MTPN: variants seen among roughly 807,000 people sequenced by gnomAD.
MTPN encodes the protein granule cell differentiation protein.
Under a neutral mutation model 13.5 loss-of-function variants are expected in MTPN, and 2 were observed. That is an observed-to-expected ratio of 0.15 (90% CI 0.06 to 0.47). The LOEUF (loss-of-function observed/expected upper bound fraction) is 0.47, where lower values mean the gene tolerates loss of function less well. Ranked by LOEUF, MTPN falls within the 20% of genes least tolerant of loss-of-function variation. MTPN has a pLI of 0.97. For missense variants in MTPN, 79 were observed against 137.9 expected, an observed-to-expected ratio of 0.57 and a Z score of 2.14; for synonymous variants, 46 against 51.7, an observed-to-expected ratio of 0.89 and a Z score of 0.48.
chr7:135,943,552 A>G (rs1271221193), intron 3 of MTPN, among the ~76,000 whole-genome samples: 2 of 152,242 alleles, frequency 1.3e-5, no homozygotes, highest in Non-Finnish European at 2.9e-5. Context: ...AGTATTTTTA[A>G]ATCTCTATAG....
chr7:135,929,734 G>T lies in MTPN; in HGVS notation c.*192C>A, dbSNP rs1798984911. 2 of 595,832 alleles carry T rather than the reference G, an allele frequency of 3.4e-6. No individual in the cohort carries two copies. Among genetic ancestry groups the T allele is most frequent in the South Asian group, 2.1e-5 (1 of 48,392 alleles). The allele number at this position is 595,832 out of a possible 1,614,324, so 36.9% of individuals were successfully genotyped here. On this transcript the variant is annotated 3_prime_UTR_variant, in exon 4 of 4. Transcript: ENST00000393085. ...GGAATCCCAGTAAAAGCCTGATCATGGTTCCTTTTGCCCCTCCTCCAAAAC... is the reference window on the plus strand; with the variant it reads ...GGAATCCCAGTAAAAGCCTGATCATTGTTCCTTTTGCCCCTCCTCCAAAAC...
intron 3 of MTPN, among the ~76,000 whole-genome samples, chr7:135,943,862 C>T (rs927754610): frequency 6.6e-6 from 1 of 152,198 alleles, no homozygotes; most frequent in African/African-American, 2.4e-5. Flanking sequence ...CTAAATATCA[C>T]TAGTAACAAA....
intron 1 of MTPN, among the ~76,000 whole-genome samples, chr7:135,957,164 T>C (rs1799453921): frequency 6.6e-6 from 1 of 152,234 alleles, no homozygotes; most frequent in Non-Finnish European, 1.5e-5. Context: ...GTATATTCCA[T>C]ATATGTAATC....
Position 135,976,789 on chromosome 7 carries a change from C to T in MTPN, c.72+240G>A, listed in dbSNP as rs573552067. Among the ~76,000 whole-genome samples the T allele has an allele frequency of 3.3e-5, 5 of 152,218 alleles. No individual in the cohort carries two copies. The South Asian group carries it at 1.0e-3, about 32-fold the overall frequency. On this transcript the variant is annotated intron_variant, in intron 1 of 3. Coordinates refer to ENST00000393085, the MANE Select transcript of MTPN (RefSeq NM_145808.4). ...CCCCTCCCCCAAGAGGCCAGGAAGT[C>T]AGGTAGCGCCTAACTGTATTAACGC... is the stretch of plus-strand genomic sequence containing the variant.
Position 135,929,961 on chromosome 7 carries a change from T to C in MTPN, c.322A>G (p.Thr108Ala), listed in dbSNP as rs1354491151. Residue 108 changes from threonine (T) to alanine (A), a missense_variant, in exon 4 of 4, where the codon ACT (threonine) becomes GCT (alanine). Physicochemically the swap from Thr to Ala is moderately conservative, Grantham distance 58. Coordinates refer to ENST00000393085, the MANE Select transcript of MTPN (RefSeq NM_145808.4). ...GPDGLTAFEA[T>A]DNQAIKALLQ ...AGAGCTTTGATTGCCTGGTTGTCAGTGGCTTCAAAGGCGGTCAGTCCATCT... is the reference window on the plus strand; with the variant it reads ...AGAGCTTTGATTGCCTGGTTGTCAGCGGCTTCAAAGGCGGTCAGTCCATCT... 1.2e-6 allele frequency: 2 copies of C among 1,612,842 alleles called. No individual in the cohort carries two copies. The highest frequency in any genetic ancestry group is 1.1e-5 in the South Asian group (1 of 91,042).
intron 1 of MTPN, among the ~76,000 whole-genome samples, chr7:135,963,934 T>C (rs1370200977): frequency 3.3e-5 from 5 of 152,042 alleles, no homozygotes; most frequent in Admixed American, 2.6e-4. Flanking sequence ...AATTTTCTAA[T>C]TGAAAATGGT....
chr7:135,927,989 A>ATAC lies in MTPN; in HGVS notation c.*1936_*1937insGTA. Reference sequence around the variant, plus strand: ...AGCCTTTAAATAGCATTATGTCAAGAGGTGAAAACAAAGGTATCAAAACAC... The same window carrying ATAC: ...AGCCTTTAAATAGCATTATGTCAAGATACGGTGAAAACAAAGGTATCAAAACAC... On this transcript the variant is annotated 3_prime_UTR_variant, in exon 4 of 4. Coordinates refer to ENST00000393085, the MANE Select transcript of MTPN (RefSeq NM_145808.4). 7.2e-6 allele frequency: 2 copies of ATAC among 277,804 alleles called. No homozygotes were observed. Among genetic ancestry groups the ATAC allele is most frequent in the South Asian group, 4.0e-5 (1 of 25,244 alleles). 17.2% of individuals were successfully genotyped at this position (277,804 alleles called of 1,614,324 possible).
chr7:135,931,406 T>C (rs1799018439), intron 3 of MTPN, among the ~76,000 whole-genome samples: 1 of 152,126 alleles, frequency 6.6e-6, no homozygotes, highest in East Asian at 1.9e-4. Context: ...GACAAGGAAG[T>C]ACAGGCTGAT....
At chr7:135,941,138 C>T (rs1031686164) in intron 3 of MTPN, among the ~76,000 whole-genome samples, 2 of 152,142 alleles carry the variant, frequency 1.3e-5, no homozygotes, top group African/African-American at 2.4e-5. Flanking sequence ...TGTTCTAGGG[C>T]ATTAGGGAGA....
At chr7:135,939,594 G>A (rs1267385812) in intron 3 of MTPN, among the ~76,000 whole-genome samples, 1 of 51,130 alleles carries the variant, frequency 2.0e-5, no homozygotes, top group African/African-American at 6.8e-5. Context: ...GGGGGCGGGT[G>A]CGTGGGGCGG....
In MTPN at chr7:135,970,516, C is replaced by T. The variant is rs575623792; in HGVS notation, c.72+6513G>A. Among the ~76,000 whole-genome samples, 29 of 152,140 alleles carry T rather than the reference C, an allele frequency of 1.9e-4. No individual in the cohort carries two copies. In the South Asian group the frequency reaches 3.9e-3, roughly 21 times the overall value. Reference sequence around the variant, plus strand: ...CAATTTTATATTTTAAAGAGAGGAACCACATAGGTAGGAAAAATAGTCAAT... The same window carrying T: ...CAATTTTATATTTTAAAGAGAGGAATCACATAGGTAGGAAAAATAGTCAAT... On this transcript the variant is annotated intron_variant, in intron 1 of 3. Transcript: ENST00000393085.
chr7:135,962,995 A>C (rs887752913), intron 1 of MTPN, among the ~76,000 whole-genome samples: 1 of 152,070 alleles, frequency 6.6e-6, no homozygotes, highest in South Asian at 2.1e-4. Context: ...ACAAGAGATC[A>C]GTGTCCCAAA....
intron 1 of MTPN, among the ~76,000 whole-genome samples, chr7:135,967,446 A>T (rs970697227): frequency 6.6e-6 from 1 of 152,198 alleles, no homozygotes; most frequent in Non-Finnish European, 1.5e-5. Context: ...AGATGACTTC[A>T]TTAGCAAACA....
intron 1 of MTPN, among the ~76,000 whole-genome samples, chr7:135,973,170 C>T (rs1799721362): frequency 6.7e-6 from 1 of 149,866 alleles, no homozygotes; most frequent in Admixed American, 6.6e-5. Flanking sequence ...ATTGAGAGAT[C>T]CCTCCACCTA....
intron 3 of MTPN, chr7:135,933,009 G>C (rs968968602): frequency 6.8e-6 from 1 of 146,634 alleles, no homozygotes; most frequent in African/African-American, 2.5e-5. Context: ...AGAATCACTT[G>C]AACCCAGGAG....
At position 135,977,314 on chromosome 7, in the gene MTPN, CAG is replaced by C; in HGVS notation, c.-216_-215del. ...GTTCTTTTGCGGCCACCGGGCCCAG[CAG>C]AGAGGTTCCGCCTGGCCGAGGAGAG... On this transcript the variant is annotated 5_prime_UTR_variant, in exon 1 of 4. Coordinates refer to ENST00000393085, the MANE Select transcript of MTPN (RefSeq NM_145808.4). 1.7e-6 allele frequency: 1 copy of C among 593,192 alleles called. No individual in the cohort carries two copies. Among genetic ancestry groups the C allele is most frequent in the Middle Eastern group, 4.6e-4 (1 of 2,192 alleles). The allele number at this position is 593,192 out of a possible 1,614,324, so 36.7% of individuals were successfully genotyped here.
intron 1 of MTPN, among the ~76,000 whole-genome samples, chr7:135,975,802 C>T (rs531730671): frequency 6.6e-6 from 1 of 152,294 alleles, no homozygotes; most frequent in Non-Finnish European, 1.5e-5. Flanking sequence ...CCTAAAACTC[C>T]ACTGCAAAAA....
At chr7:135,976,450 G>A (rs1799774092) in intron 1 of MTPN, among the ~76,000 whole-genome samples, 1 of 152,166 alleles carries the variant, frequency 6.6e-6, no homozygotes, top group African/African-American at 2.4e-5. Flanking sequence ...TGTTGTGGTG[G>A]GGGAAAGGAA....
chr7:135,929,898 C>T lies in MTPN; in HGVS notation c.*28G>A, dbSNP rs764710023. 1 of 1,608,872 alleles carries T rather than the reference C, an allele frequency of 6.2e-7. No homozygotes were observed. Among genetic ancestry groups the T allele is most frequent in the Non-Finnish European group, 8.5e-7 (1 of 1,175,230 alleles). ...AGTGTGAGGCCACAGGAGAGTCATT[C>T]TTCCGGAGTTATCAGTCCATCCATC... On this transcript the variant is annotated 3_prime_UTR_variant, in exon 4 of 4. Coordinates refer to ENST00000393085, the MANE Select transcript of MTPN (RefSeq NM_145808.4).
Sources: gnomAD v4.1 joint callset for allele counts (sites outside exome capture counted in the v4.1 genomes callset) on GRCh38, gnomAD v4.1.1 for gene constraint, MANE v1.5 for transcripts, NCBI Gene and HGNC (gene_info 2026-07-23, HGNC 2026-07-21) for gene names.